Variants in IPO7 observed in about 807,000 individuals in gnomAD.
IPO7 encodes the protein importin 7, also known as importin-7.
Under a neutral mutation model 136.4 loss-of-function variants are expected in IPO7, and 13 were observed. The observed-to-expected ratio is 0.10, with a 90% CI of 0.06 to 0.15. IPO7 has a LOEUF of 0.15. Ranked by LOEUF, IPO7 falls within the 10% of genes least tolerant of loss-of-function variation. The probability of loss-of-function intolerance (pLI) is 1.00; values close to 1 mark genes in which losing one functional copy is unlikely to be tolerated. For missense variants in IPO7, 857 were observed against 1,240.6 expected, an observed-to-expected ratio of 0.69 and a Z score of 4.65; for synonymous variants, 403 against 404.4, an observed-to-expected ratio of 1.00 and a Z score of 0.04.
intron 6 of IPO7, among the ~76,000 whole-genome samples, chr11:9,418,370 A>C (rs1369223744): frequency 2.0e-5 from 3 of 152,052 alleles, no homozygotes; most frequent in Non-Finnish European, 4.4e-5. Context: ...TGCCTAGCCT[A>C]TTTTACAGTG....
chr11:9,397,286 A>G (rs1312195311), intron 1 of IPO7, among the ~76,000 whole-genome samples: 3 of 135,792 alleles, frequency 2.2e-5, no homozygotes, highest in Admixed American at 1.6e-4. Flanking sequence ...GGAGTTCAAG[A>G]CCAGCCTGGC....
intron 3 of IPO7, among the ~76,000 whole-genome samples, chr11:9,409,696 G>T (rs1854941741): frequency 6.6e-6 from 1 of 152,140 alleles, no homozygotes; most frequent in African/African-American, 2.4e-5. Context: ...GTTCTCAAAT[G>T]AAACTTGTTT....
intron 2 of IPO7, among the ~76,000 whole-genome samples, chr11:9,403,849 G>A (rs1468749520): frequency 6.6e-6 from 1 of 152,088 alleles, no homozygotes; most frequent in Non-Finnish European, 1.5e-5. Flanking sequence ...AAAAAATAAT[G>A]TAGTGTACAT....
At chr11:9,393,004 A>G (rs567878700) in intron 1 of IPO7, among the ~76,000 whole-genome samples, 1 of 152,104 alleles carries the variant, frequency 6.6e-6, no homozygotes, top group South Asian at 2.1e-4. Flanking sequence ...AGATACTGAC[A>G]TTAGTGATTA....
chr11:9,388,104 A>T (rs1366596402), intron 1 of IPO7, among the ~76,000 whole-genome samples: 1 of 150,872 alleles, frequency 6.6e-6, no homozygotes, highest in Non-Finnish European at 1.5e-5. Flanking sequence ...CCGAGATCGT[A>T]CCATTGCACT....
At chr11:9,418,252 A>G (rs891863363) in intron 6 of IPO7, among the ~76,000 whole-genome samples, 9 of 147,228 alleles carry the variant, frequency 6.1e-5, no homozygotes, top group Admixed American at 3.4e-4. Flanking sequence ...TTTATTTTTC[A>G]TAGAGACAGG....
chr11:9,425,091 G>T (rs1476704119), intron 11 of IPO7, 55 bp from the exon 12 acceptor site: 1 of 1,324,640 alleles, frequency 7.5e-7, no homozygotes, highest in Non-Finnish European at 1.1e-6. Flanking sequence ...TTGTTAGTAT[G>T]TTTTTTAAGG....
Position 9,400,346 on chromosome 11 carries a change from A to G in IPO7, c.85-2944A>G, listed in dbSNP as rs527255691. Among the ~76,000 whole-genome samples, 20 of 152,276 alleles carry G rather than the reference A, an allele frequency of 1.3e-4. No homozygotes were observed. The South Asian group carries it at 2.9e-3, about 22-fold the overall frequency. On this transcript the variant is annotated intron_variant, in intron 1 of 24. Transcript: ENST00000379719. ...CAACACTGTAAGTTGCCATGAGGTC[A>G]TAGAGCCCGGTTGTCATATTCAACC...
chr11:9,420,532 A>C (rs1167268893), intron 7 of IPO7, 27 bp downstream of exon 7: 2 of 1,574,398 alleles, frequency 1.3e-6, no homozygotes, highest in Non-Finnish European at 1.7e-6. Context: ...ATGGTGATTT[A>C]AATTAATTTA....
chr11:9,389,527 C>G (rs1181691647), intron 1 of IPO7, among the ~76,000 whole-genome samples: 1 of 152,084 alleles, frequency 6.6e-6, no homozygotes, highest in African/African-American at 2.4e-5. Flanking sequence ...CGTCACTGGC[C>G]CATACAATAC....
At chr11:9,397,341 A>AATATATATATATATATATATATATATAT (rs1398990687) in intron 1 of IPO7, among the ~76,000 whole-genome samples, 1 of 10,762 alleles carries the variant, frequency 9.3e-5, no homozygotes, top group African/African-American at 2.5e-4. Context: ...TTTAAAAAAA[A>AATATATATATATATATATATATATATAT]ATATATATAT....
chr11:9,435,811 C>T (rs1283992328), intron 19 of IPO7, among the ~76,000 whole-genome samples: 2 of 152,148 alleles, frequency 1.3e-5, no homozygotes, highest in African/African-American at 2.4e-5. Flanking sequence ...GCTGCCTCTT[C>T]CTCCCTCCGT....
intron 23 of IPO7, 67 bp from the exon 24 acceptor site, chr11:9,442,014 G>A (rs978424113): frequency 2.6e-6 from 2 of 757,088 alleles, no homozygotes; most frequent in African/African-American, 1.7e-5. Flanking sequence ...AGGAGGAATA[G>A]TGTAGAACGG....
intron 15 of IPO7, 31 bp downstream of exon 15, chr11:9,429,865 G>A: frequency 6.6e-7 from 1 of 1,508,892 alleles, no homozygotes; most frequent in South Asian, 1.2e-5. Context: ...ATATTTGCAA[G>A]CATTTTAATG....
chr11:9,411,119 A>G (rs536153772), intron 4 of IPO7, among the ~76,000 whole-genome samples: 1 of 152,334 alleles, frequency 6.6e-6, no homozygotes, highest in Admixed American at 6.5e-5. Context: ...GAGAATAAAA[A>G]CAATAAGCTG....
At chr11:9,425,354 C>G (rs1317422765) in intron 12 of IPO7, 92 bp downstream of exon 12, 7 of 786,898 alleles carry the variant, frequency 8.9e-6, no homozygotes, top group Middle Eastern at 3.5e-4. Flanking sequence ...TTCTATAATC[C>G]CAGCACTTTC....
chr11:9,398,044 A>G (rs1256586981), intron 1 of IPO7, among the ~76,000 whole-genome samples: 3 of 152,192 alleles, frequency 2.0e-5, no homozygotes, highest in African/African-American at 4.8e-5. Flanking sequence ...GAAGATACAT[A>G]CTGTAATGTA....
intron 4 of IPO7, 63 bp downstream of exon 4, chr11:9,410,149 C>T: frequency 9.2e-7 from 1 of 1,091,578 alleles, no homozygotes; most frequent in East Asian, 2.8e-5. Context: ...AAAATTTAAG[C>T]CAATTTGAAC....
At chr11:9,420,064 C>T (rs1267370348) in intron 6 of IPO7, among the ~76,000 whole-genome samples, 2 of 152,196 alleles carry the variant, frequency 1.3e-5, no homozygotes, top group Admixed American at 6.5e-5. Context: ...TGGCGCACGC[C>T]TGTAATCCCA....
Sources: allele counts gnomAD v4.1 joint callset (sites outside exome capture counted in the v4.1 genomes callset), GRCh38; gene constraint gnomAD v4.1.1; transcripts MANE v1.5; gene names NCBI Gene and HGNC (gene_info 2026-07-23, HGNC 2026-07-21).